LIMA1: variants seen among roughly 807,000 people sequenced by gnomAD.
LIMA1 encodes the protein LIM domain and actin binding 1.
LIMA1 carries 52 observed loss-of-function variants against 62.6 expected under a neutral mutation model. The observed-to-expected ratio is 0.83, with a 90% CI of 0.67 to 1.05. The LOEUF is 1.05. LIMA1 is among the 50% of genes least tolerant of loss of function. LIMA1 has a pLI of 0.00. For missense variants in LIMA1, 780 were observed against 902.2 expected (o/e 0.86, Z 1.74); for synonymous variants, 302 against 317.8 (o/e 0.95, Z 0.53).
rs1565868099 is a variant in LIMA1 at position 50,280,142 on chromosome 12, G to GGAT, written c.-24+3277_-24+3278insATC. Among the ~76,000 whole-genome samples the GGAT allele has an allele frequency of 3.1e-5, 3 of 95,822 alleles. 1 individual carries two copies. The allele number at this position is 95,822 out of a possible 152,430, so 62.9% of individuals were successfully genotyped here. On this transcript the variant is annotated intron_variant, in intron 1 of 10. Transcript: ENST00000341247. ...GAAAGTTCTTAGTTTCAGGGTAGTA[G>GGAT]TATTTTTTTTTTTTTTTTTTTTTTT...
chr12:50,247,728 A>G (rs1941871745), intron 2 of LIMA1, among the ~76,000 whole-genome samples: 1 of 151,720 alleles, frequency 6.6e-6, no homozygotes, highest in African/African-American at 2.4e-5. Context: ...GGTTCAAGCA[A>G]TTCTCCTGCC....
chr12:50,281,866 G>C (rs1387199644), intron 1 of LIMA1, among the ~76,000 whole-genome samples: 2 of 152,148 alleles, frequency 1.3e-5, no homozygotes, highest in East Asian at 3.8e-4. Context: ...AGTACCCTGG[G>C]CTGACCTCTA....
rs371701998 is a variant in LIMA1, at chr12:50,270,943, T to C, written c.-24+12477A>G. Among the ~76,000 whole-genome samples the C allele has an allele frequency of 3.5e-4, 53 of 151,982 alleles. No homozygotes were observed. In the South Asian group the frequency reaches 0.011, roughly 31 times the overall value. The stretch of plus-strand genomic sequence containing the variant: ...CCGTCTCTACTAAAAACACAAAAAA[T>C]TAGCCGGGCGTGGTGGCGGGTGCCT... On this transcript the variant is annotated intron_variant, in intron 1 of 10. Coordinates refer to ENST00000341247, the MANE Select transcript of LIMA1 (RefSeq NM_016357.5).
chr12:50,281,324 T>C (rs897133573), intron 1 of LIMA1, among the ~76,000 whole-genome samples: 2 of 152,140 alleles, frequency 1.3e-5, no homozygotes, highest in South Asian at 2.1e-4. Flanking sequence ...CTACCCTGTC[T>C]TCCCCACCCA....
chr12:50,192,041 A>G (rs567396147), intron 9 of LIMA1, among the ~76,000 whole-genome samples: 1 of 149,998 alleles, frequency 6.7e-6, no homozygotes, highest in Admixed American at 6.7e-5. Context: ...AGGCTGAGAC[A>G]GGAGAATTGC....
intron 8 of LIMA1, among the ~76,000 whole-genome samples, chr12:50,193,621 C>CATGTATATATGAT (rs1940850744): frequency 1.1e-5 from 1 of 93,780 alleles, no homozygotes; most frequent in Admixed American, 1.2e-4. Context: ...TATATATATA[C>CATGTATATATGAT]ATATATATAC....
chr12:50,209,952 C>T (rs1475665112), intron 4 of LIMA1, among the ~76,000 whole-genome samples: 3 of 152,142 alleles, frequency 2.0e-5, no homozygotes, highest in Non-Finnish European at 4.4e-5. Flanking sequence ...CGTAAGCCAC[C>T]GCGCCTGGCC....
Position 50,177,965 on chromosome 12 carries a change from G to C in LIMA1, c.1379C>G (p.Pro460Arg), listed in dbSNP as rs1832950674. The C allele has an allele frequency of 6.2e-7, 1 of 1,613,096 alleles. No homozygotes were observed. The highest frequency in any genetic ancestry group is 1.7e-5 in the Admixed American group (1 of 59,768). ...GNYDEGFGHR[P>R]HKDLWASKNE... ...TTTGCTTGCCCATAGATCCTTGTGT[G>C]GTCTGTGCCCAAAGCCTTCATCATA... The change falls in exon 11 of 11, where the codon CCA becomes CGA. Residue 460 changes from proline to arginine, a missense_variant. Transcript: ENST00000341247.
intron 2 of LIMA1, among the ~76,000 whole-genome samples, chr12:50,238,450 T>C (rs1278807117): frequency 6.6e-6 from 1 of 151,906 alleles, no homozygotes; most frequent in Non-Finnish European, 1.5e-5. Flanking sequence ...GAGATTGCAG[T>C]GAGCCGAGAT....
At chr12:50,263,787 G>C (rs1300369282) in intron 1 of LIMA1, among the ~76,000 whole-genome samples, 1 of 132,894 alleles carries the variant, frequency 7.5e-6, no homozygotes, top group Non-Finnish European at 1.6e-5. Context: ...CCATTCCTCT[G>C]TGTGTGTGTG....
Position 50,222,328 on chromosome 12 carries a change from A to C in LIMA1, c.323T>G (p.Val108Gly). Residue 108 changes from valine (V) to glycine (G), a missense_variant, in exon 4 of 11, where the codon GTG becomes GGG. Physicochemically the swap from Val to Gly is moderately radical, Grantham distance 109. Coordinates refer to ENST00000341247, the MANE Select transcript of LIMA1 (RefSeq NM_016357.5). ...GGCTCCAGAAGCAGCGTGGCTTGTCACTTCAGCAGGAGGATGGTCTGCTCT... is the reference window on the plus strand; with the variant it reads ...GGCTCCAGAAGCAGCGTGGCTTGTCCCTTCAGCAGGAGGATGGTCTGCTCT... ...RHRADHPPAE[V>G]TSHAASGAKA... 6.2e-6 allele frequency: 10 copies of C among 1,614,078 alleles called. No homozygotes were observed. Among genetic ancestry groups the C allele is most frequent in the Non-Finnish European group, 8.5e-6 (10 of 1,180,000 alleles).
Position 50,262,538 on chromosome 12 carries a change from C to A in LIMA1, c.-23-13764G>T, listed in dbSNP as rs142019642. ...CCTGTAATCTTAGCACTTTGGGAGG[C>A]TGAGGAGACAGGACCGCTTAAGGTC... is the stretch of plus-strand genomic sequence containing the variant. On this transcript the variant is annotated intron_variant, in intron 1 of 10. Transcript: ENST00000341247. 2.6e-3 allele frequency among the ~76,000 whole-genome samples: 400 copies of A among 152,006 alleles called. 1 individual carries two copies. Among genetic ancestry groups the A allele is most frequent in the African/African-American group, 9.1e-3 (377 of 41,436 alleles).
At chr12:50,216,076 A>G (rs1295216208) in intron 4 of LIMA1, among the ~76,000 whole-genome samples, 1 of 151,496 alleles carries the variant, frequency 6.6e-6, no homozygotes, top group Non-Finnish European at 1.5e-5. Flanking sequence ...ATAACTAAAC[A>G]TGGGTCATAA....
chr12:50,275,016 T>C (rs1942259200), intron 1 of LIMA1, among the ~76,000 whole-genome samples: 2 of 152,160 alleles, frequency 1.3e-5, no homozygotes, highest in African/African-American at 2.4e-5. Flanking sequence ...AGCCAAACAT[T>C]ATTATATAAA....
At chr12:50,182,499 A>AG (rs1229696188) in intron 9 of LIMA1, among the ~76,000 whole-genome samples, 1 of 152,256 alleles carries the variant, frequency 6.6e-6, no homozygotes, top group Non-Finnish European at 1.5e-5. Context: ...TTTGGGAATT[A>AG]GGAAAGACAT....
At chr12:50,204,833 C>T in intron 5 of LIMA1, 133 bp from the exon 6 acceptor site, 1 of 751,620 alleles carries the variant, frequency 1.3e-6, no homozygotes, top group Non-Finnish European at 2.1e-6. Context: ...TATCCTCCCG[C>T]CTCAGCCTCC....
At chr12:50,240,358 C>G (rs1235021852) in intron 2 of LIMA1, among the ~76,000 whole-genome samples, 12 of 152,082 alleles carry the variant, frequency 7.9e-5, no homozygotes, top group Admixed American at 7.9e-4. Flanking sequence ...AGGATGGTCA[C>G]TGATTCAATT....
chr12:50,209,567 CA>C (rs1203309856), intron 4 of LIMA1, among the ~76,000 whole-genome samples: 2,341 of 61,528 alleles, frequency 0.038, 34 homozygotes, highest in African/African-American at 0.12. Context: ...GACTCCATCT[CA>C]AAAAAAAAAA....
At chr12:50,245,231 A>G (rs2138629309) in intron 2 of LIMA1, among the ~76,000 whole-genome samples, 1 of 152,106 alleles carries the variant, frequency 6.6e-6, no homozygotes, top group South Asian at 2.1e-4. Flanking sequence ...CCTGGGCAAC[A>G]TAGTGAGACG....
Sources: allele counts gnomAD v4.1 joint callset (sites outside exome capture counted in the v4.1 genomes callset), GRCh38; gene constraint gnomAD v4.1.1; transcripts MANE v1.5; gene names NCBI Gene and HGNC (gene_info 2026-07-23, HGNC 2026-07-21).